The following DLEU7 variants were observed in gnomAD, a reference collection of about 807,000 sequenced individuals.
DLEU7 encodes deleted in lymphocytic leukemia 7.
DLEU7 carries 17 observed loss-of-function variants against 16.0 expected under a neutral mutation model. That is an observed-to-expected ratio of 1.06 (90% CI 0.73 to 1.59). The LOEUF is 1.59. Ranked by LOEUF, DLEU7 falls within the 40% of genes most tolerant of loss-of-function variation. The probability of loss-of-function intolerance (pLI) is 0.00; values close to 1 mark genes in which losing one functional copy is unlikely to be tolerated. For synonymous variants in DLEU7, 113 were observed against 139.8 expected (o/e 0.81, Z 1.35); for missense variants, 308 against 314.9 (o/e 0.98, Z 0.17).
chr13:50,798,544 AC>A (rs1876161002), intron 1 of DLEU7, among the ~76,000 whole-genome samples: 1 of 152,034 alleles, frequency 6.6e-6, no homozygotes, highest in Admixed American at 6.6e-5. Context: ...CTGGGTCTCC[AC>A]CCACAATCCT....
chr13:50,745,376 A>G (rs1483615840), intron 1 of DLEU7, among the ~76,000 whole-genome samples: 2 of 152,002 alleles, frequency 1.3e-5, no homozygotes, highest in African/African-American at 4.8e-5. Flanking sequence ...TGCTGACAGA[A>G]AGTAGAATGA....
chr13:50,800,190 G>T (rs1005855220), intron 1 of DLEU7, among the ~76,000 whole-genome samples: 1 of 152,172 alleles, frequency 6.6e-6, no homozygotes, highest in Non-Finnish European at 1.5e-5. Flanking sequence ...GGGCAAAAGA[G>T]AATAAAAGCT....
intron 1 of DLEU7, among the ~76,000 whole-genome samples, chr13:50,733,837 A>G (rs1023207191): frequency 6.6e-6 from 1 of 152,222 alleles, no homozygotes; most frequent in African/African-American, 2.4e-5. Context: ...CAAACCTAGG[A>G]TAGACTCATT....
intron 1 of DLEU7, among the ~76,000 whole-genome samples, chr13:50,806,976 CAAAAAAAAAA>C (rs556761618): frequency 1.8e-5 from 1 of 54,196 alleles, no homozygotes; most frequent in Non-Finnish European, 3.6e-5. Flanking sequence ...GACTCCCTCT[CAAAAAAAAAA>C]AAAAAAAAAA....
At chr13:50,828,109 A>G (rs1341468553) in intron 1 of DLEU7, among the ~76,000 whole-genome samples, 1 of 152,242 alleles carries the variant, frequency 6.6e-6, no homozygotes, top group Non-Finnish European at 1.5e-5. Context: ...CATTCAGTCT[A>G]CACACATACA....
At chr13:50,725,736 G>A (rs892433208) in intron 1 of DLEU7, among the ~76,000 whole-genome samples, 9 of 152,136 alleles carry the variant, frequency 5.9e-5, no homozygotes, top group Admixed American at 2.0e-4. Context: ...CAGCTGCTGG[G>A]TTAATCTGAC....
chr13:50,801,092 C>G (rs1332249082), intron 1 of DLEU7, among the ~76,000 whole-genome samples: 1 of 152,160 alleles, frequency 6.6e-6, no homozygotes, highest in Non-Finnish European at 1.5e-5. Flanking sequence ...TTGTTGTCTA[C>G]AAGAAGGTCC....
chr13:50,827,595 A>C (rs1286100090), intron 1 of DLEU7, among the ~76,000 whole-genome samples: 1 of 152,006 alleles, frequency 6.6e-6, no homozygotes, highest in East Asian at 1.9e-4. Flanking sequence ...CTGAGGTGGG[A>C]GGATCACATT....
At chr13:50,716,281 A>G (rs1873436143) in intron 1 of DLEU7, among the ~76,000 whole-genome samples, 1 of 152,202 alleles carries the variant, frequency 6.6e-6, no homozygotes, top group African/African-American at 2.4e-5. Context: ...AAACATCTCC[A>G]TTAACAGGAA....
intron 1 of DLEU7, among the ~76,000 whole-genome samples, chr13:50,812,408 A>C (rs1003626152): frequency 6.6e-6 from 1 of 152,140 alleles, no homozygotes; most frequent in Non-Finnish European, 1.5e-5. Flanking sequence ...CTGCTGACTC[A>C]GGGCTAGTGC....
At chr13:50,820,150 A>G (rs558637955), downstream of DLEU7, among the ~76,000 whole-genome samples, 1 of 152,276 alleles carries the variant, frequency 6.6e-6, no homozygotes, top group East Asian at 1.9e-4. Flanking sequence ...TATCAGTGAG[A>G]CAGTCATCAG....
In DLEU7 at chr13:50,749,716, TG is replaced by T. The variant is rs200381738; in HGVS notation, c.460-36477del. On this transcript the variant is annotated intron_variant, in intron 1 of 1. Transcript: ENST00000400393. The stretch of plus-strand genomic sequence containing the variant: ...AATGTTGAGCATTTTTTCATACATT[TG>T]TTTGGCCATTTGTATATCTTCTTTT... 8.5e-3 allele frequency among the ~76,000 whole-genome samples: 1,290 copies of T among 152,208 alleles called. 10 individuals carry two copies. Among genetic ancestry groups the T allele is most frequent in the African/African-American group, 0.029 (1,188 of 41,446 alleles).
At chr13:50,836,625 G>A (rs1341981339) in intron 1 of DLEU7, among the ~76,000 whole-genome samples, 1 of 151,596 alleles carries the variant, frequency 6.6e-6, no homozygotes, top group Non-Finnish European at 1.5e-5. Flanking sequence ...AGTGAGCCGA[G>A]ATCATGCCAC....
chr13:50,812,483 T>G (rs544821326), intron 1 of DLEU7, among the ~76,000 whole-genome samples: 79 of 152,232 alleles, frequency 5.2e-4, no homozygotes, highest in Non-Finnish European at 9.6e-4. Flanking sequence ...TTAGTCTGTA[T>G]GTAGGGTAAA....
chr13:50,718,972 C>A (rs1873516745), intron 1 of DLEU7, among the ~76,000 whole-genome samples: 1 of 152,118 alleles, frequency 6.6e-6, no homozygotes, highest in South Asian at 2.1e-4. Context: ...TGAGGTCTTC[C>A]CATTAACAAA....
At position 50,777,356 on chromosome 13, in the gene DLEU7, G is replaced by T. The variant is rs1228304398; in HGVS notation, c.460-64116C>A. Among the ~76,000 whole-genome samples the T allele has an allele frequency of 2.6e-5, 4 of 152,142 alleles. No individual in the cohort carries two copies. The East Asian group carries it at 5.8e-4, about 22-fold the overall frequency. ...CACCATCTAATCAGCTGCCAGCATG[G>T]CCCGGATAAAGCAGGCAGAAAAACG... On this transcript the variant is annotated intron_variant, in intron 1 of 1. Coordinates refer to the DLEU7 transcript ENST00000400393.
intron 1 of DLEU7, among the ~76,000 whole-genome samples, chr13:50,733,259 G>A (rs1253942221): frequency 1.3e-5 from 2 of 152,160 alleles, no homozygotes; most frequent in African/African-American, 4.8e-5. Flanking sequence ...GGATTTGAAA[G>A]CTCCTCAGGT....
At position 50,804,419 on chromosome 13, in the gene DLEU7, G is replaced by GT. The variant is rs1163813483; in HGVS notation, c.459+38768dup. Among the ~76,000 whole-genome samples the GT allele has an allele frequency of 2.4e-3, 339 of 143,574 alleles. 1 individual carries two copies. Among genetic ancestry groups the GT allele is most frequent in the East Asian group, 0.013 (66 of 4,994 alleles). 94.2% of individuals were successfully genotyped at this position (143,574 alleles called of 152,430 possible). On this transcript the variant is annotated intron_variant, in intron 1 of 1. Coordinates refer to the DLEU7 transcript ENST00000400393. ...AGTGTAATGTTGTTCGTTTTATGGG[G>GT]TTTTTTTTTTTTCTGTTGTTGTTGT...
chr13:50,759,281 T>TGA (rs1874854951), intron 1 of DLEU7, among the ~76,000 whole-genome samples: 1 of 152,226 alleles, frequency 6.6e-6, no homozygotes, highest in African/African-American at 2.4e-5. Flanking sequence ...CATAACATAC[T>TGA]AGCTGTATGG....
Sources: allele counts gnomAD v4.1 joint callset (sites outside exome capture counted in the v4.1 genomes callset), GRCh38; gene constraint gnomAD v4.1.1; transcripts MANE v1.5; gene names NCBI Gene and HGNC (gene_info 2026-07-23, HGNC 2026-07-21).